SLC12A1: variants seen among roughly 807,000 people sequenced by gnomAD.
SLC12A1 encodes Na-K-2Cl cotransporter.
A neutral mutation model predicts 130.4 loss-of-function variants in SLC12A1; 89 were observed. That is an observed-to-expected ratio of 0.68 (90% CI 0.58 to 0.81). The LOEUF is 0.81. Ranked by LOEUF, SLC12A1 falls within the 40% of genes least tolerant of loss-of-function variation. SLC12A1 has a pLI of 0.00. For missense variants in SLC12A1, 1,310 were observed against 1,336.4 expected (o/e 0.98, Z 0.31); for synonymous variants, 499 against 460.0 (o/e 1.08, Z -1.09).
At chr15:48,212,460 C>G (rs1328314521) in intron 2 of SLC12A1, among the ~76,000 whole-genome samples, 1 of 152,186 alleles carries the variant, frequency 6.6e-6, no homozygotes, top group Non-Finnish European at 1.5e-5. Flanking sequence ...AACATACCCT[C>G]GAGATCTTTC....
chr15:48,208,357 C>T (rs1288956238), intron 2 of SLC12A1, among the ~76,000 whole-genome samples: 2 of 151,900 alleles, frequency 1.3e-5, no homozygotes, highest in Non-Finnish European at 2.9e-5. Context: ...CAAAGTCTTG[C>T]TCTGTCACCC....
At chr15:48,208,261 T>C (rs934094723) in intron 2 of SLC12A1, 122 bp downstream of exon 2, 5 of 937,658 alleles carry the variant, frequency 5.3e-6, no homozygotes, top group African/African-American at 1.7e-5. Flanking sequence ...TTCCAAACAC[T>C]ATCCATCTTA....
At chr15:48,283,750 G>T (rs866242020) in intron 20 of SLC12A1, among the ~76,000 whole-genome samples, 1 of 152,178 alleles carries the variant, frequency 6.6e-6, no homozygotes, top group Non-Finnish European at 1.5e-5. Context: ...CCAGTGTTTT[G>T]TAACACTGAA....
In SLC12A1 at chr15:48,251,730, T is replaced by G; in HGVS notation, c.1902T>G (p.Ile634Met). The G allele has an allele frequency of 1.2e-6, 2 of 1,613,952 alleles. No homozygotes were observed. Among genetic ancestry groups the G allele is most frequent in the Non-Finnish European group, 1.7e-6 (2 of 1,179,844 alleles). Residue 634 changes from isoleucine (I) to methionine (M), a missense_variant, in exon 15 of 27, where the codon ATT becomes ATG. By Grantham distance (10) the Ile-to-Met change is conservative. Coordinates refer to ENST00000380993, the MANE Select transcript of SLC12A1 (RefSeq NM_000338.3). ...NWWAAVITYV[I>M]EFFLYVYVTC... ...GGGCAGCTGTCATCACCTATGTCAT[T>G]GAATTCTTCCTTTACGTCTATGTGA...
At chr15:48,232,919 A>C in intron 8 of SLC12A1, 81 bp downstream of exon 8, 1 of 807,250 alleles carries the variant, frequency 1.2e-6, no homozygotes, top group East Asian at 2.4e-5. Flanking sequence ...ACCCAACCCC[A>C]GCCTTCGGAA....
At chr15:48,252,136 G>A (rs932861504) in intron 15 of SLC12A1, among the ~76,000 whole-genome samples, 2 of 151,952 alleles carry the variant, frequency 1.3e-5, no homozygotes, top group Non-Finnish European at 2.9e-5. Context: ...CCGGAAGGCG[G>A]AGGTTGCAGT....
intron 5 of SLC12A1, chr15:48,227,264 C>CT: frequency 1.0e-6 from 1 of 964,822 alleles, no homozygotes. Flanking sequence ...TAACATATTG[C>CT]TAATTAGTCC....
rs555508624 is a variant in SLC12A1 at position 48,216,353 on chromosome 15, A to G, written c.421-4281A>G. Among the ~76,000 whole-genome samples the G allele has an allele frequency of 1.1e-3, 171 of 152,296 alleles. 1 individual carries two copies. Among genetic ancestry groups the G allele is most frequent in the African/African-American group, 4.1e-3 (169 of 41,560 alleles). On this transcript the variant is annotated intron_variant, in intron 2 of 26. Coordinates refer to ENST00000380993, the MANE Select transcript of SLC12A1 (RefSeq NM_000338.3). ...GTTCATTTTAGAGGAAATTTTAAAT[A>G]CCCTATTCATCCTTTAGCCTACTTT...
chr15:48,218,887 A>G (rs1301110983), intron 2 of SLC12A1, among the ~76,000 whole-genome samples: 6 of 152,242 alleles, frequency 3.9e-5, no homozygotes, highest in African/African-American at 1.4e-4. Flanking sequence ...ATTCAAACCC[A>G]TATCTTAAAG....
intron 20 of SLC12A1, among the ~76,000 whole-genome samples, chr15:48,276,738 C>T (rs1390758406): frequency 6.6e-6 from 1 of 152,084 alleles, no homozygotes; most frequent in Non-Finnish European, 1.5e-5. Flanking sequence ...ATTGAAACCA[C>T]CACCCTAGAA....
chr15:48,279,800 G>A (rs892962321), intron 20 of SLC12A1, among the ~76,000 whole-genome samples: 3 of 152,148 alleles, frequency 2.0e-5, no homozygotes, highest in African/African-American at 2.4e-5. Context: ...CTCAGAGCAC[G>A]GGGATACTGC....
Position 48,277,713 on chromosome 15 carries a change from G to T in SLC12A1, c.2485+3060G>T, listed in dbSNP as rs2041968166. On this transcript the variant is annotated intron_variant, in intron 20 of 26. Transcript: ENST00000380993. ...CAGACAGAAAAAAGAATTCTTAAGG[G>T]CTATTGCCTGATCGATTCATACTCT... 2.6e-5 allele frequency among the ~76,000 whole-genome samples: 4 copies of T among 152,262 alleles called. No individual in the cohort carries two copies. In the South Asian group the frequency reaches 8.3e-4, roughly 32 times the overall value.
chr15:48,299,147 G>GTCT lies in SLC12A1; in HGVS notation c.2970_2972dup (p.Phe991dup). 6.2e-7 allele frequency: 1 copy of GTCT among 1,601,870 alleles called. No individual in the cohort carries two copies. The highest frequency in any genetic ancestry group is 2.2e-5 in the East Asian group (1 of 44,492). ...TTATAATTCAAATTTTAGCTGGAAA[G>GTCT]TCTTTGAAGAGATGATTGAACCATA... On this transcript the variant is annotated inframe_insertion, in exon 25 of 27. Coordinates refer to ENST00000380993, the MANE Select transcript of SLC12A1 (RefSeq NM_000338.3).
intron 15 of SLC12A1, among the ~76,000 whole-genome samples, chr15:48,254,200 C>A (rs2041678126): frequency 6.9e-6 from 1 of 145,042 alleles, no homozygotes; most frequent in African/African-American, 2.8e-5. Flanking sequence ...TCTAAGGTAT[C>A]TTTTTCTTAT....
chr15:48,293,246 A>C (rs1397590236), intron 24 of SLC12A1, among the ~76,000 whole-genome samples: 2 of 152,234 alleles, frequency 1.3e-5, no homozygotes, highest in Non-Finnish European at 2.9e-5. Flanking sequence ...TTAGATCTTC[A>C]CAGTAGTTTG....
rs535948819 is a variant in SLC12A1, at chr15:48,247,884, C to T, written c.1684+424C>T. ...TTTGGGAAAGTGTGGAGACTTCAGG[C>T]CCAATTCCAGAGTAACTGAGTCAGA... is the stretch of plus-strand genomic sequence containing the variant. On this transcript the variant is annotated intron_variant, in intron 13 of 26. Transcript: ENST00000380993. Among the ~76,000 whole-genome samples the T allele has an allele frequency of 5.3e-5, 8 of 152,248 alleles. No individual in the cohort carries two copies. The South Asian group carries it at 1.7e-3, about 32-fold the overall frequency.
In SLC12A1 at chr15:48,247,402, T is replaced by C. The variant is rs775312568; in HGVS notation, c.1626T>C (p.Asn542=). ...TTGCAAAGGGATATGGGAAAAACAA[T>C]GAACCCCTGAGAGGATATATTCTCA... ...QFFAKGYGKN[N]EPLRGYILTF... is the part of the protein sequence containing the mutation. Residue 542 remains asparagine (N), a synonymous_variant, in exon 13 of 27, where the codon AAT becomes AAC. Coordinates refer to ENST00000380993, the MANE Select transcript of SLC12A1 (RefSeq NM_000338.3). 4.3e-6 allele frequency: 7 copies of C among 1,611,366 alleles called. No individual in the cohort carries two copies. Among genetic ancestry groups the C allele is most frequent in the Middle Eastern group, 1.6e-4 (1 of 6,082 alleles).
intron 19 of SLC12A1, among the ~76,000 whole-genome samples, chr15:48,272,926 G>C (rs2041912877): frequency 6.6e-6 from 1 of 151,850 alleles, no homozygotes; most frequent in Admixed American, 6.6e-5. Flanking sequence ...TGGTCAAGAT[G>C]ATGAAACCCA....
At chr15:48,285,049 G>GT in intron 20 of SLC12A1, 57 bp from the exon 21 acceptor site, 1 of 1,326,816 alleles carries the variant, frequency 7.5e-7, no homozygotes, top group Non-Finnish European at 1.0e-6. Flanking sequence ...TTATAAGATT[G>GT]TTTCTAGAAA....
Sources: gnomAD v4.1 joint callset for allele counts (sites outside exome capture counted in the v4.1 genomes callset) on GRCh38, gnomAD v4.1.1 for gene constraint, MANE v1.5 for transcripts, NCBI Gene and HGNC (gene_info 2026-07-23, HGNC 2026-07-21) for gene names.